The following SLC4A8 variants were observed in gnomAD, a reference collection of about 807,000 sequenced individuals.
The protein encoded by SLC4A8 is solute carrier family 4 member 8, also known as electroneutral sodium bicarbonate exchanger 1.
A neutral mutation model predicts 125.0 loss-of-function variants in SLC4A8; 40 were observed. The ratio of observed to expected loss-of-function variants is 0.32; its 90% CI spans 0.25 to 0.42. The LOEUF is 0.42. SLC4A8 is among the 10% of genes least tolerant of loss of function. The pLI, the probability that SLC4A8 is intolerant of heterozygous loss-of-function variation, is 1.00. For synonymous variants in SLC4A8, 456 were observed against 476.0 expected, an observed-to-expected ratio of 0.96 and a Z score of 0.55; for missense variants, 863 against 1,355.1, an observed-to-expected ratio of 0.64 and a Z score of 5.70.
chr12:51,416,561 T>G (rs889210276), intron 1 of SLC4A8, among the ~76,000 whole-genome samples: 1 of 152,108 alleles, frequency 6.6e-6, no homozygotes, highest in East Asian at 1.9e-4. Flanking sequence ...GAGAATCACT[T>G]GAACCCAGGA....
chr12:51,426,385 C>T (rs149825856), intron 1 of SLC4A8, among the ~76,000 whole-genome samples: 128 of 152,168 alleles, frequency 8.4e-4, no homozygotes, highest in African/African-American at 2.9e-3. Flanking sequence ...CCTCCTGGAG[C>T]GTATCATTTA....
At chr12:51,458,251 GAA>G (rs1163210898) in intron 6 of SLC4A8, among the ~76,000 whole-genome samples, 3 of 152,132 alleles carry the variant, frequency 2.0e-5, no homozygotes, top group Non-Finnish European at 4.4e-5. Context: ...CTATATTTTT[GAA>G]AAGTTTTCCA....
intron 1 of SLC4A8, among the ~76,000 whole-genome samples, chr12:51,433,875 T>TTTTTG (rs1565772386): frequency 3.1e-5 from 1 of 32,766 alleles, no homozygotes; most frequent in Non-Finnish European, 6.6e-5. Flanking sequence ...TTTTTTTTTT[T>TTTTTG]TTTGGTTGGT....
chr12:51,469,575 A>G (rs372305396), intron 11 of SLC4A8, 39 bp from the exon 12 acceptor site: 432 of 1,587,560 alleles, frequency 2.7e-4, no homozygotes, highest in Non-Finnish European at 3.4e-4. Flanking sequence ...TTTAGGGAAG[A>G]CGGACTGTGT....
In SLC4A8 at chr12:51,504,495, T is replaced by A. The variant is rs78218833; in HGVS notation, c.3173+375T>A. On this transcript the variant is annotated intron_variant, in intron 23 of 24. Transcript: ENST00000453097. ...GTCTTAGAGAGTTTTAGGTAATTTA[T>A]CCAAAGTTACAATGTTGCTGAATAG... is the stretch of plus-strand genomic sequence containing the variant. Among the ~76,000 whole-genome samples the A allele has an allele frequency of 7.8e-3, 1,185 of 152,350 alleles. 14 individuals carry two copies. The highest frequency in any genetic ancestry group is 0.028 in the African/African-American group (1,148 of 41,586).
rs1196453490 is a variant in SLC4A8, at chr12:51,515,691, C to T, written c.*8253C>T. The T allele has an allele frequency of 2.6e-5, 4 of 152,164 alleles. No homozygotes were observed. The highest frequency in any genetic ancestry group is 4.8e-5 in the African/African-American group (2 of 41,420). The allele number at this position is 152,164 out of a possible 1,614,324, so 9.4% of individuals were successfully genotyped here. On this transcript the variant is annotated 3_prime_UTR_variant, in exon 25 of 25. Transcript: ENST00000453097. Reference sequence around the variant, plus strand: ...GGCAGGTAATTGTGACACTGCATCTCATAGAACTCTGCCTGCCCAGATTTT... The same window carrying T: ...GGCAGGTAATTGTGACACTGCATCTTATAGAACTCTGCCTGCCCAGATTTT...
At chr12:51,447,056 G>GTCTGTCTATCTATCTATCTATCTA (rs1949793767) in intron 2 of SLC4A8, among the ~76,000 whole-genome samples, 2 of 147,320 alleles carry the variant, frequency 1.4e-5, no homozygotes, top group Non-Finnish European at 3.0e-5. Context: ...CTGTCTGTCT[G>GTCTGTCTATCTATCTATCTATCTA]TCTATCTATC....
chr12:51,484,934 A>T (rs183770317), intron 16 of SLC4A8, among the ~76,000 whole-genome samples: 11 of 152,288 alleles, frequency 7.2e-5, no homozygotes, highest in Admixed American at 5.9e-4. Flanking sequence ...AAAAGACGTG[A>T]GGGAGCTGCC....
At position 51,455,617 on chromosome 12, in the gene SLC4A8, T is replaced by G. The variant is rs989809624; in HGVS notation, c.575-1734T>G. The stretch of plus-strand genomic sequence containing the variant: ...CTGAATGGAGAAACACCTGGATGCA[T>G]GGGGGAGTTTTCTCTTGAATTGGTT... On this transcript the variant is annotated intron_variant, in intron 5 of 24. Transcript: ENST00000453097. 2.6e-5 allele frequency among the ~76,000 whole-genome samples: 4 copies of G among 152,260 alleles called. No homozygotes were observed. The East Asian group carries it at 7.7e-4, about 29-fold the overall frequency.
At chr12:51,492,592 T>C (rs1951346846) in intron 19 of SLC4A8, among the ~76,000 whole-genome samples, 1 of 152,188 alleles carries the variant, frequency 6.6e-6, no homozygotes, top group African/African-American at 2.4e-5. Flanking sequence ...AACTATTCAG[T>C]AGTTCACAAA....
chr12:51,415,934 T>C (rs566463562), intron 1 of SLC4A8, among the ~76,000 whole-genome samples: 19 of 151,394 alleles, frequency 1.3e-4, no homozygotes, highest in Non-Finnish European at 1.9e-4. Context: ...TATAATAATA[T>C]AGTGCCTATA....
At chr12:51,484,888 A>C (rs4578437) in intron 16 of SLC4A8, among the ~76,000 whole-genome samples, 74,691 of 151,818 alleles carry the variant, frequency 0.49, 18,590 homozygotes, top group Non-Finnish European at 0.53. Flanking sequence ...TCATCAGAGA[A>C]GAGCTCAAAG....
chr12:51,434,102 C>T (rs1050807537), intron 1 of SLC4A8, among the ~76,000 whole-genome samples: 2 of 151,912 alleles, frequency 1.3e-5, no homozygotes, highest in African/African-American at 4.8e-5. Flanking sequence ...CTCGAACTCC[C>T]AGCCTCAAAC....
chr12:51,479,176 A>T (rs546514902), intron 16 of SLC4A8, among the ~76,000 whole-genome samples: 35 of 152,108 alleles, frequency 2.3e-4, no homozygotes, highest in Non-Finnish European at 4.3e-4. Flanking sequence ...GCCTATTGGT[A>T]TTACCTTCTA....
intron 1 of SLC4A8, among the ~76,000 whole-genome samples, chr12:51,416,632 G>C (rs764241534): frequency 1.3e-5 from 2 of 151,668 alleles, no homozygotes. Context: ...GACAGAGTGA[G>C]ACTCTGTCTC....
At chr12:51,459,101 T>C (rs1393989982) in intron 7 of SLC4A8, among the ~76,000 whole-genome samples, 1 of 152,206 alleles carries the variant, frequency 6.6e-6, no homozygotes, top group African/African-American at 2.4e-5. Context: ...GTAGCAGCAG[T>C]GTCTCACTGC....
chr12:51,468,144 G>C (rs1299062011), intron 11 of SLC4A8, among the ~76,000 whole-genome samples: 1 of 152,042 alleles, frequency 6.6e-6, no homozygotes, highest in African/African-American at 2.4e-5. Flanking sequence ...TTATTCACCT[G>C]ACAGCCCTCA....
intron 1 of SLC4A8, among the ~76,000 whole-genome samples, chr12:51,404,861 A>AT (rs1166723291): frequency 2.0e-5 from 3 of 147,000 alleles, no homozygotes; most frequent in Non-Finnish European, 3.0e-5. Flanking sequence ...TTCTTTCCTT[A>AT]TTTTTTTCTT....
At position 51,510,707 on chromosome 12, in the gene SLC4A8, T is replaced by G. The variant is rs1443806663; in HGVS notation, c.*3269T>G. The G allele has an allele frequency of 6.6e-6, 1 of 152,232 alleles. No homozygotes were observed. Among genetic ancestry groups the G allele is most frequent in the African/African-American group, 2.4e-5 (1 of 41,450 alleles). The allele number at this position is 152,232 out of a possible 1,614,324, so 9.4% of individuals were successfully genotyped here. ...TGCAAGAGACTTTAAGGGTAACCTC[T>G]TCAGTTGAAACTGTCTTGGAAGTGC... On this transcript the variant is annotated 3_prime_UTR_variant, in exon 25 of 25. Transcript: ENST00000453097.
Sources: allele counts gnomAD v4.1 joint callset (sites outside exome capture counted in the v4.1 genomes callset), GRCh38; gene constraint gnomAD v4.1.1; transcripts MANE v1.5; gene names NCBI Gene and HGNC (gene_info 2026-07-23, HGNC 2026-07-21).